Variants in TBCD observed in about 807,000 individuals in gnomAD.
TBCD encodes tubulin folding cofactor D.
In TBCD, 105 loss-of-function variants were observed where a neutral mutation model predicts 169.3. That is an observed-to-expected ratio of 0.62 (90% confidence interval 0.53 to 0.73). The LOEUF (loss-of-function observed/expected upper bound fraction) is 0.73. Ranked by LOEUF, TBCD falls within the 30% of genes least tolerant of loss-of-function variation. The pLI is 0.00. For missense variants in TBCD, 1,444 were observed against 1,600.1 expected (o/e 0.90, Z 1.66); for synonymous variants, 700 against 643.9 (o/e 1.09, Z -1.32).
intron 6 of TBCD, among the ~76,000 whole-genome samples, chr17:82,773,454 TTAAAG>T (rs1190963152): frequency 2.0e-5 from 3 of 152,320 alleles, no homozygotes; most frequent in Non-Finnish European, 4.4e-5. Flanking sequence ...CGTCTAATTA[TTAAAG>T]TAATCTGTAT....
intron 30 of TBCD, among the ~76,000 whole-genome samples, chr17:82,928,443 G>A (rs1286225975): frequency 6.6e-6 from 1 of 152,074 alleles, no homozygotes; most frequent in Non-Finnish European, 1.5e-5. Context: ...GGGGCACGGG[G>A]TTGTGGGTAC....
At position 82,874,343 on chromosome 17, in the gene TBCD, C is replaced by T. The variant is rs1001597552; in HGVS notation, c.1475+3963C>T. Among the ~76,000 whole-genome samples the T allele has an allele frequency of 1.3e-5, 2 of 152,004 alleles. No homozygotes were observed. Among genetic ancestry groups the T allele is most frequent in the African/African-American group, 2.4e-5 (1 of 41,462 alleles). ...CAGCCAGGGCCTCCCCGGCATGTGGCGGGGCCAGCGTTGGCCTGGGTCCCA... is the reference window on the plus strand; with the variant it reads ...CAGCCAGGGCCTCCCCGGCATGTGGTGGGGCCAGCGTTGGCCTGGGTCCCA... On this transcript the variant is annotated intron_variant, in intron 14 of 38. Transcript: ENST00000355528. This position sits in a 1 kb window ranked among gnomAD's most constrained non-coding sequence, Gnocchi z 5.0.
intron 21 of TBCD, 126 bp from the exon 22 acceptor site, chr17:82,909,159 C>A: frequency 2.8e-6 from 2 of 717,562 alleles, no homozygotes; most frequent in Non-Finnish European, 4.6e-6. Context: ...GCCCCCTAGG[C>A]GGCTCTCCTG....
At chr17:82,853,601 C>T (rs559474325) in intron 13 of TBCD, among the ~76,000 whole-genome samples, 4 of 151,978 alleles carry the variant, frequency 2.6e-5, no homozygotes, top group Admixed American at 1.3e-4. Flanking sequence ...GAGACGGTCT[C>T]ACCATCTAGC....
At chr17:82,906,097 A>T (rs1384726724) in intron 20 of TBCD, 44 bp downstream of exon 20, 2 of 1,437,504 alleles carry the variant, frequency 1.4e-6, no homozygotes, top group African/African-American at 2.8e-5. Context: ...TCTGTCCCTG[A>T]TCCCCTCACC....
intron 8 of TBCD, among the ~76,000 whole-genome samples, chr17:82,798,628 G>T (rs2050278982): frequency 6.6e-6 from 1 of 152,190 alleles, no homozygotes; most frequent in African/African-American, 2.4e-5. Flanking sequence ...GGGGTCTCGT[G>T]AGGGAGGTCT....
chr17:82,792,560 G>A (rs2049823059), intron 7 of TBCD, among the ~76,000 whole-genome samples: 1 of 152,158 alleles, frequency 6.6e-6, no homozygotes, highest in South Asian at 2.1e-4. Flanking sequence ...ATCATTTTGT[G>A]TTTTCCACAC....
chr17:82,785,970 G>A (rs2049292892), intron 7 of TBCD, among the ~76,000 whole-genome samples: 1 of 152,192 alleles, frequency 6.6e-6, no homozygotes, highest in South Asian at 2.1e-4. Flanking sequence ...TGACAATGTT[G>A]GCACCTACAT....
chr17:82,818,708 G>A (rs895762683), intron 13 of TBCD, among the ~76,000 whole-genome samples: 1 of 152,256 alleles, frequency 6.6e-6, no homozygotes, highest in African/African-American at 2.4e-5. Flanking sequence ...TCACACGGCT[G>A]AGCTGTCCCT....
intron 13 of TBCD, among the ~76,000 whole-genome samples, chr17:82,839,395 C>CAT (rs1224370361): frequency 1.3e-5 from 2 of 151,246 alleles, no homozygotes; most frequent in African/African-American, 2.4e-5. Context: ...ATACACCACA[C>CAT]ATATATATAA....
Position 82,929,661 on chromosome 17 carries a change from CA to C in TBCD, c.2991+162del, listed in dbSNP as rs146460515. ...GGGGTCAGGGGCCCAGTGTCTTCCT[CA>C]TGACCCAGGAGGCTTAGGGCCTGTG... On this transcript the variant is annotated intron_variant, in intron 32 of 38. Transcript: ENST00000355528. 131,091 of 1,003,766 alleles carry C rather than the reference CA, an allele frequency of 0.13. 10,270 individuals are homozygous for C. The highest frequency in any genetic ancestry group is 0.26 in the South Asian group (18,750 of 72,424). The allele number at this position is 1,003,766 out of a possible 1,614,324, so 62.2% of individuals were successfully genotyped here.
At position 82,884,742 on chromosome 17, in the gene TBCD, G is replaced by A. The variant is rs12937979; in HGVS notation, c.1533+540G>A. 49,643 of 172,312 alleles carry A rather than the reference G, an allele frequency of 0.29. 7,707 individuals are homozygous for A. Among genetic ancestry groups the A allele is most frequent in the African/African-American group, 0.41 (17,246 of 42,418 alleles). The allele number at this position is 172,312 out of a possible 1,614,324, so 10.7% of individuals were successfully genotyped here. A position where few individuals can be genotyped will look rare whatever the true frequency, so the allele number is the denominator to read the frequency against. On this transcript the variant is annotated intron_variant, in intron 15 of 38. Coordinates refer to ENST00000355528, the MANE Select transcript of TBCD (RefSeq NM_005993.5). The surrounding 1 kb of genome is among the most constrained non-coding windows in gnomAD (Gnocchi z 4.2). ...TAGAGAGAGCCCTGTGACGTTTGGG[G>A]TGAATTCTGGGTGTGAGGAGCTGTA... is the stretch of plus-strand genomic sequence containing the variant.
At chr17:82,840,561 G>A (rs544532488) in intron 13 of TBCD, 1 of 152,376 alleles carries the variant, frequency 6.6e-6, no homozygotes, top group African/African-American at 2.4e-5. Flanking sequence ...GAGCTGAGCC[G>A]GCAGGGAGGG....
chr17:82,838,344 A>AT (rs199556972), intron 13 of TBCD, among the ~76,000 whole-genome samples: 1,957 of 151,918 alleles, frequency 0.013, 55 homozygotes, highest in African/African-American at 0.045. Flanking sequence ...TTAAAAAAAA[A>AT]AACTTTGATA....
rs113241336 is a variant in TBCD at position 82,916,924 on chromosome 17, C to T, written c.2039-3632C>T. Among the ~76,000 whole-genome samples, 1,367 of 152,152 alleles carry T rather than the reference C, an allele frequency of 9.0e-3. 7 individuals are homozygous for T. Among genetic ancestry groups the T allele is most frequent in the Middle Eastern group, 0.014 (4 of 294 alleles). On this transcript the variant is annotated intron_variant, in intron 23 of 38. Coordinates refer to ENST00000355528, the MANE Select transcript of TBCD (RefSeq NM_005993.5). Reference sequence around the variant, plus strand: ...CTCCTTTTGGGACTCTTATTACCCACGTCTTGTCTGGATCACCGCACTTAA... The same window carrying T: ...CTCCTTTTGGGACTCTTATTACCCATGTCTTGTCTGGATCACCGCACTTAA...
intron 14 of TBCD, among the ~76,000 whole-genome samples, chr17:82,872,988 TCGTGGCCGACGGCTTCTGAGCCAGGCCC>T: frequency 7.9e-6 from 1 of 127,300 alleles, no homozygotes; most frequent in Non-Finnish European, 1.7e-5. Flanking sequence ...GCCCGGCACC[TCGTGGCCGACGGCTTCTGAGCCAGGCCC>T]GTCTGGGCAG....
At chr17:82,886,814 C>G (rs908277930) in intron 15 of TBCD, among the ~76,000 whole-genome samples, 1 of 150,028 alleles carries the variant, frequency 6.7e-6, no homozygotes, top group Non-Finnish European at 1.5e-5. Context: ...GGATTACAGG[C>G]GTGCACCACC....
At chr17:82,941,520 C>T in intron 38 of TBCD, 37 bp downstream of exon 38, 1 of 1,528,948 alleles carries the variant, frequency 6.5e-7, no homozygotes, top group Non-Finnish European at 8.9e-7. Flanking sequence ...GGTGCCTGTG[C>T]TTCCCTGAGC....
intron 13 of TBCD, among the ~76,000 whole-genome samples, chr17:82,860,876 T>A (rs2056700026): frequency 6.6e-6 from 1 of 152,338 alleles, no homozygotes; most frequent in East Asian, 1.9e-4. Context: ...CGGGCGGCAC[T>A]GGGACACGGC....
Sources: gnomAD v4.1 joint callset for allele counts (sites outside exome capture counted in the v4.1 genomes callset) on GRCh38, gnomAD v4.1.1 for gene constraint, Gnocchi (gnomAD v3.1) non-coding constraint, MANE v1.5 for transcripts, NCBI Gene and HGNC (gene_info 2026-07-23, HGNC 2026-07-21) for gene names.